CAMTA1: variants seen among roughly 807,000 people sequenced by gnomAD.
CAMTA1 encodes the protein calmodulin-binding transcription activator 1.
A neutral mutation model predicts 170.9 loss-of-function variants in CAMTA1; 27 were observed. The ratio of observed to expected loss-of-function variants is 0.16; its 90% CI spans 0.12 to 0.22. The LOEUF (loss-of-function observed/expected upper bound fraction) is 0.22, where lower values mean the gene tolerates loss of function less well. CAMTA1 is among the 10% of genes least tolerant of loss of function. The probability of loss-of-function intolerance (pLI) is 1.00; values close to 1 mark genes in which losing one functional copy is unlikely to be tolerated. For missense variants in CAMTA1, 1,619 were observed against 2,217.2 expected, an observed-to-expected ratio of 0.73 and a Z score of 5.42; for synonymous variants, 833 against 891.5, an observed-to-expected ratio of 0.93 and a Z score of 1.17.
intron 6 of CAMTA1, among the ~76,000 whole-genome samples, chr1:7,563,260 G>T (rs1327190802): frequency 6.6e-6 from 1 of 152,190 alleles, no homozygotes. Flanking sequence ...AGAGTCTTCC[G>T]CGCAGCTGCT....
chr1:7,229,644 GAGA>G (rs1662359626), intron 4 of CAMTA1, among the ~76,000 whole-genome samples: 1 of 147,528 alleles, frequency 6.8e-6, no homozygotes, highest in Admixed American at 6.7e-5. Context: ...GGAGGAAGGA[GAGA>G]AGGAGGAGAG....
chr1:7,231,327 A>ATGTGTGTGTGTGTGTGTGTGTG (rs745744631), intron 4 of CAMTA1, among the ~76,000 whole-genome samples: 26 of 141,984 alleles, frequency 1.8e-4, no homozygotes, highest in South Asian at 4.7e-4. Flanking sequence ...TACTGGCTTA[A>ATGTGTGTGTGTGTGTGTGTGTG]TGTGTGTGTG....
intron 4 of CAMTA1, among the ~76,000 whole-genome samples, chr1:7,095,531 A>G (rs1641976671): frequency 6.6e-6 from 1 of 152,124 alleles, no homozygotes; most frequent in Non-Finnish European, 1.5e-5. Flanking sequence ...TAGAACTGGA[A>G]CTTGAACCCA....
At chr1:7,150,115 C>T (rs1278938545) in intron 4 of CAMTA1, among the ~76,000 whole-genome samples, 1 of 152,222 alleles carries the variant, frequency 6.6e-6, no homozygotes, top group East Asian at 1.9e-4. Context: ...GATGCCTCTT[C>T]AAAGGCTCTG....
chr1:7,751,267 A>G lies in CAMTA1; in HGVS notation c.4758A>G (p.Glu1586=), dbSNP rs1192915855. 6.2e-7 allele frequency: 1 copy of G among 1,611,934 alleles called. No homozygotes were observed. Among genetic ancestry groups the G allele is most frequent in the Non-Finnish European group, 8.5e-7 (1 of 1,179,584 alleles). Residue 1586 remains glutamate (E), a synonymous_variant, in exon 20 of 23, where the codon GAA becomes GAG. Transcript: ENST00000303635. Reference sequence around the variant, plus strand: ...AGAGCAAATTCCGAAGTTACTATGAACAAAAAAAATTCCAGCAGAGCCGAC... The same window carrying G: ...AGAGCAAATTCCGAAGTTACTATGAGCAAAAAAAATTCCAGCAGAGCCGAC... The part of the protein sequence containing the change: ...LIQSKFRSYY[E]QKKFQQSRRA...
chr1:6,920,370 C>G (rs1432672230), intron 3 of CAMTA1, among the ~76,000 whole-genome samples: 1 of 152,216 alleles, frequency 6.6e-6, no homozygotes, highest in Non-Finnish European at 1.5e-5. Context: ...TCTTGGGCAG[C>G]TCCGCCCCTT....
At chr1:7,491,279 C>T (rs541043898) in intron 6 of CAMTA1, among the ~76,000 whole-genome samples, 346 of 152,302 alleles carry the variant, frequency 2.3e-3, no homozygotes, top group African/African-American at 8.1e-3. Flanking sequence ...TAAGGTTTCT[C>T]AAGGAGCCTC....
chr1:7,731,343 G>T (rs1406043881), intron 11 of CAMTA1, among the ~76,000 whole-genome samples: 1 of 152,098 alleles, frequency 6.6e-6, no homozygotes, highest in Non-Finnish European at 1.5e-5. Flanking sequence ...GGAGGCCGAG[G>T]TGGGCAGATC....
intron 4 of CAMTA1, among the ~76,000 whole-genome samples, chr1:7,156,291 A>AT (rs1257688963): frequency 1.3e-5 from 2 of 150,940 alleles, no homozygotes; most frequent in African/African-American, 4.9e-5. Context: ...AAAAAAAAAA[A>AT]GATAAATAGG....
At chr1:7,278,027 C>G (rs1484486682) in intron 5 of CAMTA1, among the ~76,000 whole-genome samples, 1 of 152,142 alleles carries the variant, frequency 6.6e-6, no homozygotes, top group African/African-American at 2.4e-5. Context: ...TACTAGGTAC[C>G]AGGCTTTTCA....
chr1:7,512,348 G>T (rs948796857), intron 6 of CAMTA1, among the ~76,000 whole-genome samples: 5 of 152,230 alleles, frequency 3.3e-5, no homozygotes, highest in African/African-American at 1.2e-4. Context: ...GTAAGGGGGA[G>T]ATTGGGGTGG....
chr1:7,148,939 C>T (rs980876476), intron 4 of CAMTA1, among the ~76,000 whole-genome samples: 2 of 152,390 alleles, frequency 1.3e-5, no homozygotes, highest in Non-Finnish European at 1.5e-5. Context: ...GGCACCTGCT[C>T]AGGATGGAGC....
At chr1:7,327,762 C>T (rs1360122045) in intron 5 of CAMTA1, among the ~76,000 whole-genome samples, 1 of 152,194 alleles carries the variant, frequency 6.6e-6, no homozygotes, top group Non-Finnish European at 1.5e-5. Flanking sequence ...TTTCTTACAT[C>T]TCAGACCTTC....
intron 5 of CAMTA1, among the ~76,000 whole-genome samples, chr1:7,358,280 A>C (rs1451505972): frequency 1.3e-5 from 2 of 152,172 alleles, no homozygotes; most frequent in Non-Finnish European, 2.9e-5. Flanking sequence ...GATAAATGAG[A>C]TGTAACCTTG....
intron 3 of CAMTA1, among the ~76,000 whole-genome samples, chr1:6,835,050 A>G (rs1652370336): frequency 6.6e-6 from 1 of 152,182 alleles, no homozygotes; most frequent in Non-Finnish European, 1.5e-5. Context: ...TGGAGTCAGC[A>G]TGCTCAGGGG....
At chr1:7,354,842 C>T (rs116790034) in intron 5 of CAMTA1, among the ~76,000 whole-genome samples, 1,732 of 152,190 alleles carry the variant, frequency 0.011, 26 homozygotes, top group African/African-American at 0.039. Flanking sequence ...TTTTCATATG[C>T]TTGTTGGCTA....
intron 5 of CAMTA1, among the ~76,000 whole-genome samples, chr1:7,381,034 A>G (rs1051292784): frequency 3.3e-5 from 5 of 152,226 alleles, no homozygotes; most frequent in African/African-American, 1.2e-4. Flanking sequence ...GTGGTTAGGA[A>G]AATGTGCTCT....
intron 3 of CAMTA1, among the ~76,000 whole-genome samples, chr1:7,037,917 A>ATTT (rs55645358): frequency 2.2e-4 from 31 of 143,132 alleles, no homozygotes; most frequent in South Asian, 1.1e-3. Context: ...TTTGATCTTT[A>ATTT]TTTTTTTTTT....
intron 4 of CAMTA1, among the ~76,000 whole-genome samples, chr1:7,237,739 C>T (rs1206397951): frequency 6.6e-6 from 1 of 152,190 alleles, no homozygotes; most frequent in Non-Finnish European, 1.5e-5. Flanking sequence ...CTGTGAGCTG[C>T]AAGTGTTTGG....
Sources: allele counts gnomAD v4.1 joint callset (sites outside exome capture counted in the v4.1 genomes callset), GRCh38; gene constraint gnomAD v4.1.1; transcripts MANE v1.5; gene names NCBI Gene and HGNC (gene_info 2026-07-23, HGNC 2026-07-21).